UBE2D3: variants seen among roughly 807,000 people sequenced by gnomAD.
UBE2D3 encodes the protein ubiquitin-conjugating enzyme E2 D3.
In UBE2D3, 2 loss-of-function variants were observed where a neutral mutation model predicts 22.8. That is an observed-to-expected ratio of 0.09 (90% CI 0.04 to 0.28). UBE2D3 has a LOEUF of 0.28. Among genes scored for constraint, UBE2D3 ranks in the 10% least tolerant of loss-of-function variants. The pLI is 1.00. For synonymous variants in UBE2D3, 56 were observed against 60.4 expected (o/e 0.93, Z 0.34); for missense variants, 27 against 182.5 (o/e 0.15, Z 4.91).
chr4:102,840,774 C>T (rs1307043137), intron 1 of UBE2D3, among the ~76,000 whole-genome samples: 1 of 151,920 alleles, frequency 6.6e-6, no homozygotes, highest in African/African-American at 2.4e-5. Context: ...TGATGGATAC[C>T]CCAGTCAAGG....
At chr4:102,826,672 G>A (rs1730555345) in intron 1 of UBE2D3, 36 bp from the exon 2 acceptor site, 3 of 1,515,140 alleles carry the variant, frequency 2.0e-6, no homozygotes, top group Non-Finnish European at 8.7e-7. Context: ...CACTCGCACA[G>A]GCCCCGAAGA....
intron 2 of UBE2D3, chr4:102,825,690 G>T: frequency 1.3e-6 from 1 of 789,968 alleles, no homozygotes. Flanking sequence ...AAACAAGGGT[G>T]TTATTAAATA....
intron 1 of UBE2D3, among the ~76,000 whole-genome samples, chr4:102,836,058 C>A (rs1311243639): frequency 1.3e-5 from 2 of 150,294 alleles, no homozygotes; most frequent in South Asian, 4.2e-4. Context: ...AGTTCATTAT[C>A]TTTTATTGCT....
rs1006423785 is a variant in UBE2D3, at chr4:102,796,568, A to G, written c.*847T>C. 1 of 152,482 alleles carries G rather than the reference A, an allele frequency of 6.6e-6. No individual in the cohort carries two copies. The highest frequency in any genetic ancestry group is 1.5e-5 in the Non-Finnish European group (1 of 67,924). The allele number at this position is 152,482 out of a possible 1,614,324, so 9.4% of individuals were successfully genotyped here. On this transcript the variant is annotated 3_prime_UTR_variant, in exon 8 of 8. Transcript: ENST00000453744. Reference sequence around the variant, plus strand: ...TTACAAAAGATTGTTTCCCATACTGATTAATCCAGGCAGCTAACTCATTGG... The same window carrying G: ...TTACAAAAGATTGTTTCCCATACTGGTTAATCCAGGCAGCTAACTCATTGG...
chr4:102,807,623 A>T (rs766545995), intron 4 of UBE2D3, among the ~76,000 whole-genome samples: 2 of 152,234 alleles, frequency 1.3e-5, no homozygotes, highest in Non-Finnish European at 2.9e-5. Flanking sequence ...GCTAGTCATT[A>T]TATTAAAAGG....
chr4:102,856,601 A>G (rs1256996558), intron 1 of UBE2D3, among the ~76,000 whole-genome samples: 1 of 152,202 alleles, frequency 6.6e-6, no homozygotes, highest in African/African-American at 2.4e-5. Flanking sequence ...CGTATATGGA[A>G]AGAAATTCAA....
chr4:102,805,712 T>G (rs1017108678), intron 4 of UBE2D3, among the ~76,000 whole-genome samples: 1 of 152,170 alleles, frequency 6.6e-6, no homozygotes, highest in Non-Finnish European at 1.5e-5. Flanking sequence ...CCATAAAAAT[T>G]TGAGTTGCAA....
chr4:102,841,870 G>C (rs1196943012), intron 1 of UBE2D3, among the ~76,000 whole-genome samples: 1 of 152,056 alleles, frequency 6.6e-6, no homozygotes, highest in Admixed American at 6.6e-5. Flanking sequence ...TTCATAGTGG[G>C]CTTCTCTGCC....
At chr4:102,819,480 G>A (rs533997406) in intron 2 of UBE2D3, 49 of 817,102 alleles carry the variant, frequency 6.0e-5, no homozygotes, top group African/African-American at 2.6e-4. Flanking sequence ...CTGAACATTC[G>A]GTTAACTTTC....
upstream of UBE2D3, among the ~76,000 whole-genome samples, chr4:102,832,104 A>C (rs1488936357): frequency 1.3e-5 from 2 of 152,210 alleles, no homozygotes; most frequent in East Asian, 1.9e-4. Flanking sequence ...TACTGAACTC[A>C]GCTGGCGGTG....
intron 1 of UBE2D3, among the ~76,000 whole-genome samples, chr4:102,862,112 G>A (rs374263966): frequency 6.6e-5 from 10 of 151,778 alleles, no homozygotes; most frequent in African/African-American, 1.7e-4. Context: ...AAATAGTTTC[G>A]CCATGTTATT....
At chr4:102,801,425 G>A (rs1046416002) in intron 6 of UBE2D3, 29 bp downstream of exon 6, 11 of 1,561,274 alleles carry the variant, frequency 7.0e-6, no homozygotes, top group Admixed American at 6.8e-5. Flanking sequence ...TAGACAATGA[G>A]AACAGCTTAT....
chr4:102,859,642 C>T (rs1440769321), intron 1 of UBE2D3, among the ~76,000 whole-genome samples: 1 of 151,816 alleles, frequency 6.6e-6, no homozygotes, highest in Non-Finnish European at 1.5e-5. Context: ...TCTCTGCTTG[C>T]TCTACCACTT....
At chr4:102,866,242 T>A (rs1733140640) in intron 1 of UBE2D3, among the ~76,000 whole-genome samples, 1 of 152,214 alleles carries the variant, frequency 6.6e-6, no homozygotes, top group Non-Finnish European at 1.5e-5. Flanking sequence ...TTCTCTGAAT[T>A]TCAAGGCCTC....
chr4:102,803,390 T>C (rs1726508707), intron 4 of UBE2D3, among the ~76,000 whole-genome samples: 1 of 152,214 alleles, frequency 6.6e-6, no homozygotes, highest in Non-Finnish European at 1.5e-5. Context: ...ACTGGGTTTT[T>C]ACCAACACTG....
At chr4:102,837,436 C>T (rs1731470582) in intron 1 of UBE2D3, among the ~76,000 whole-genome samples, 1 of 152,212 alleles carries the variant, frequency 6.6e-6, no homozygotes, top group Non-Finnish European at 1.5e-5. Context: ...AAGTTTGTGG[C>T]AGCCCATATT....
At chr4:102,813,847 C>T (rs1415497593) in intron 2 of UBE2D3, among the ~76,000 whole-genome samples, 1 of 152,160 alleles carries the variant, frequency 6.6e-6, no homozygotes, top group Non-Finnish European at 1.5e-5. Flanking sequence ...TCAAAATACA[C>T]TTCAGAAAAT....
chr4:102,829,037 G>A (rs1365836805), upstream of UBE2D3, among the ~76,000 whole-genome samples: 1 of 152,180 alleles, frequency 6.6e-6, no homozygotes, highest in African/African-American at 2.4e-5. Flanking sequence ...AACTTAACAC[G>A]TCAACAATGA....
intron 1 of UBE2D3, among the ~76,000 whole-genome samples, chr4:102,851,966 G>A (rs1732380868): frequency 6.6e-6 from 1 of 152,002 alleles, no homozygotes; most frequent in South Asian, 2.1e-4. Context: ...CACCGTGCCC[G>A]GCAGAACCCC....
Sources: allele counts gnomAD v4.1 joint callset (sites outside exome capture counted in the v4.1 genomes callset), GRCh38; gene constraint gnomAD v4.1.1; transcripts MANE v1.5; gene names NCBI Gene and HGNC (gene_info 2026-07-23, HGNC 2026-07-21).